Variants in SLC19A3 observed in about 807,000 individuals in gnomAD.
The protein encoded by SLC19A3 is solute carrier family 19 member 3.
A neutral mutation model predicts 40.2 loss-of-function variants in SLC19A3; 31 were observed. That is an observed-to-expected ratio of 0.77 (90% CI 0.58 to 1.04). The LOEUF (loss-of-function observed/expected upper bound fraction) is 1.04. Among genes scored for constraint, SLC19A3 ranks in the 50% least tolerant of loss-of-function variants. The pLI is 0.00. For synonymous variants in SLC19A3, 212 were observed against 227.5 expected (o/e 0.93, Z 0.61); for missense variants, 592 against 596.7 (o/e 0.99, Z 0.08).
At chr2:227,705,421 C>T (rs1349700650) in intron 1 of SLC19A3, among the ~76,000 whole-genome samples, 2 of 140,704 alleles carry the variant, frequency 1.4e-5, no homozygotes, top group African/African-American at 2.8e-5. Context: ...GACAACATAG[C>T]GAGGCCCTAT....
In SLC19A3 at chr2:227,702,285, A is replaced by G; in HGVS notation, c.34T>C (p.Trp12Arg). The part of the protein sequence containing the change: ...DCYRTSLSSS[W>R]IYPTVILCLF... ...CAGAGGATCACAGTGGGGTAAATCC[A>G]GGAACTGCTTAGTGAAGTTCTGTAA... Residue 12 changes from tryptophan (W) to arginine (R), a missense_variant, in exon 2 of 6, where the codon TGG (tryptophan) becomes CGG (arginine). Physicochemically the swap from Trp to Arg is moderately radical, Grantham distance 101. Coordinates refer to ENST00000644224, the MANE Select transcript of SLC19A3 (RefSeq NM_025243.4). The G allele has an allele frequency of 6.2e-7, 1 of 1,614,172 alleles. No homozygotes were observed.
chr2:227,703,741 C>G lies in SLC19A3; in HGVS notation c.-2-1421G>C, dbSNP rs1695808110. On this transcript the variant is annotated intron_variant, in intron 1 of 5. Coordinates refer to ENST00000644224, the MANE Select transcript of SLC19A3 (RefSeq NM_025243.4). This position sits in a 1 kb window ranked among gnomAD's most constrained non-coding sequence, Gnocchi z 4.7. ...GTGATCACTGAGGCTTGGTCATCTTCTGAAGAGTGGTCTTGCTGGGGTAGC... is the reference window on the plus strand; with the variant it reads ...GTGATCACTGAGGCTTGGTCATCTTGTGAAGAGTGGTCTTGCTGGGGTAGC... Among the ~76,000 whole-genome samples the G allele has an allele frequency of 6.6e-6, 1 of 152,112 alleles. No homozygotes were observed. The highest frequency in any genetic ancestry group is 2.4e-5 in the African/African-American group (1 of 41,436).
intron 1 of SLC19A3, among the ~76,000 whole-genome samples, chr2:227,712,468 A>G (rs1696176527): frequency 6.6e-6 from 1 of 152,246 alleles, no homozygotes; most frequent in South Asian, 2.1e-4. Context: ...GTAATCAGAA[A>G]TCCTAAGTTA....
intron 1 of SLC19A3, chr2:227,714,438 C>A: frequency 1.0e-6 from 1 of 985,298 alleles, no homozygotes. Flanking sequence ...CAGGAGGATC[C>A]CTTGAGTTAC....
intron 1 of SLC19A3, among the ~76,000 whole-genome samples, chr2:227,705,346 A>C (rs7601819): frequency 0.25 from 37,895 of 151,160 alleles, 6,975 homozygotes; most frequent in East Asian, 0.73. Flanking sequence ...CATGCCTGTC[A>C]TCTCAACACT....
chr2:227,709,451 T>C (rs541009489), intron 1 of SLC19A3, among the ~76,000 whole-genome samples: 1 of 152,232 alleles, frequency 6.6e-6, no homozygotes, highest in South Asian at 2.1e-4. Context: ...GCAAATGCAC[T>C]CCAGCCTGGG....
In SLC19A3 at chr2:227,702,736, G is replaced by C. The variant is rs1695753590; in HGVS notation, c.-2-416C>G. Reference sequence around the variant, plus strand: ...AACAAAAAACAATCATTGTATGGCAGCTATATTTGAAAACATCTTGCTATC... The same window carrying C: ...AACAAAAAACAATCATTGTATGGCACCTATATTTGAAAACATCTTGCTATC... On this transcript the variant is annotated intron_variant, in intron 1 of 5. Coordinates refer to ENST00000644224, the MANE Select transcript of SLC19A3 (RefSeq NM_025243.4). 1.6e-5 allele frequency: 3 copies of C among 192,060 alleles called. No homozygotes were observed. The Admixed American group carries it at 1.6e-4, about 10-fold the overall frequency. 11.9% of individuals were successfully genotyped at this position (192,060 alleles called of 1,614,324 possible).
chr2:227,717,279 G>A (rs937573094), intron 1 of SLC19A3, among the ~76,000 whole-genome samples: 57 of 152,302 alleles, frequency 3.7e-4, no homozygotes, highest in African/African-American at 1.3e-3. Context: ...TGGGATTACA[G>A]GCGTGAGCCA....
rs1553566969 is a variant in SLC19A3, at chr2:227,685,003, A to AAG, written c.*2393_*2394insCT. On this transcript the variant is annotated 3_prime_UTR_variant, in exon 6 of 6. Transcript: ENST00000644224. ...ATCAAAAAAAAAAAAAAAAAAAAAA[A>AAG]AAGAAGAAGAAGAAAAAGAATAGCG... is the stretch of plus-strand genomic sequence containing the variant. The AAG allele has an allele frequency of 2.7e-5, 4 of 149,770 alleles. No homozygotes were observed. In the East Asian group the frequency reaches 5.8e-4, roughly 22 times the overall value. 9.3% of individuals were successfully genotyped at this position (149,770 alleles called of 1,614,324 possible).
At chr2:227,695,572 C>CT in intron 4 of SLC19A3, 1 of 348,118 alleles carries the variant, frequency 2.9e-6, no homozygotes. Context: ...CGCACCACTG[C>CT]TCTCCAGCCT....
intron 3 of SLC19A3, among the ~76,000 whole-genome samples, chr2:227,697,484 T>G (rs1695481965): frequency 6.6e-6 from 1 of 152,214 alleles, no homozygotes; most frequent in South Asian, 2.1e-4. Flanking sequence ...CTTCCAGCCC[T>G]CATTTAAATA....
chr2:227,695,841 A>G, intron 4 of SLC19A3, 48 bp downstream of exon 4: 1 of 1,565,226 alleles, frequency 6.4e-7, no homozygotes, highest in Non-Finnish European at 8.8e-7. Flanking sequence ...AGAAAGACAG[A>G]AGAGAGAGGA....
At chr2:227,715,770 C>T (rs918543943) in intron 1 of SLC19A3, among the ~76,000 whole-genome samples, 1 of 151,524 alleles carries the variant, frequency 6.6e-6, no homozygotes, top group African/African-American at 2.4e-5. Context: ...GGCAAAATAG[C>T]GAGACCTCAC....
rs1277173131 is a variant in SLC19A3 at position 227,695,981 on chromosome 2, T to C, written c.1080A>G (p.Leu360=). Reference sequence around the variant, plus strand: ...TATTGGCTGTGTAATGCATGAGAAATAAAGAACCGGCATTGACAACTGAGA... The same window carrying C: ...TATTGGCTGTGTAATGCATGAGAAACAAAGAACCGGCATTGACAACTGAGA... ...VVFSVVNAGS[L]FLMHYTANIW... The change falls in exon 4 of 6, where the codon TTA becomes TTG. Residue 360 remains leucine, a synonymous_variant. Transcript: ENST00000644224. 4 of 1,613,994 alleles carry C rather than the reference T, an allele frequency of 2.5e-6. No homozygotes were observed. The highest frequency in any genetic ancestry group is 1.7e-5 in the Admixed American group (1 of 59,990).
chr2:227,698,902 C>T lies in SLC19A3; in HGVS notation c.813G>A (p.Glu271=). ...VFVQWFQDLK[E]CYSSKRLFYW... ...AGAAAAGACGTTTTGAGGAGTAGCA[C>T]TCCTTCAAATCTTGGAACCACTGCA... The change falls in exon 3 of 6, where the codon GAG becomes GAA. Residue 271 remains glutamate (E), a synonymous_variant. Coordinates refer to ENST00000644224, the MANE Select transcript of SLC19A3 (RefSeq NM_025243.4). The T allele has an allele frequency of 1.2e-6, 2 of 1,614,062 alleles. No individual in the cohort carries two copies. Among genetic ancestry groups the T allele is most frequent in the Non-Finnish European group, 1.7e-6 (2 of 1,179,980 alleles).
intron 4 of SLC19A3, among the ~76,000 whole-genome samples, chr2:227,688,879 C>T (rs1189550566): frequency 4.6e-5 from 7 of 151,992 alleles, no homozygotes; most frequent in Non-Finnish European, 7.4e-5. Context: ...TTCAAGATAA[C>T]ACAAAGAAGG....
rs531876613 is a variant in SLC19A3 at position 227,688,308 on chromosome 2, C to T, written c.1173-1G>A. 8 of 1,613,498 alleles carry T rather than the reference C, an allele frequency of 5.0e-6. No individual in the cohort carries two copies. In the South Asian group the frequency reaches 8.8e-5, roughly 18 times the overall value. On this transcript the variant is annotated splice_acceptor_variant, in intron 4 of 5. Coordinates refer to ENST00000644224, the MANE Select transcript of SLC19A3 (RefSeq NM_025243.4). LOFTEE classifies it high-confidence loss of function. ...ATTCAGATTAACTGCAATCTGAAAT[C>T]TATCATTAAACATAAATAAGCATTT...
At chr2:227,707,028 C>T (rs1229002316) in intron 1 of SLC19A3, among the ~76,000 whole-genome samples, 1 of 152,164 alleles carries the variant, frequency 6.6e-6, no homozygotes, top group Non-Finnish European at 1.5e-5. Context: ...TTGGCCTTTG[C>T]TCCACTCCAG....
rs753469461 is a variant in SLC19A3, at chr2:227,698,721, G to A, written c.979+15C>T. The A allele has an allele frequency of 3.1e-6, 5 of 1,605,930 alleles. No individual in the cohort carries two copies. Among genetic ancestry groups the A allele is most frequent in the Non-Finnish European group, 4.3e-6 (5 of 1,173,944 alleles). On this transcript the variant is annotated intron_variant, in intron 3 of 5. Transcript: ENST00000644224. ...GGTAAAGCCAACAAAGGAAGATTAA[G>A]TGACATTTGCTTACCTCCAAAGGTT... is the stretch of plus-strand genomic sequence containing the variant.
Sources: allele counts gnomAD v4.1 joint callset (sites outside exome capture counted in the v4.1 genomes callset), GRCh38; gene constraint gnomAD v4.1.1; non-coding constraint Gnocchi (gnomAD v3.1); transcripts MANE v1.5; gene names NCBI Gene and HGNC (gene_info 2026-07-23, HGNC 2026-07-21).